NBAS: variants seen among roughly 807,000 people sequenced by gnomAD.
NBAS encodes the protein NAG/BC035112 fusion.
Under a neutral mutation model 302.5 loss-of-function variants are expected in NBAS, and 219 were observed. That is an observed-to-expected ratio of 0.72 (90% confidence interval 0.65 to 0.81). The LOEUF is 0.81. NBAS is among the 30% of genes least tolerant of loss of function. The probability of loss-of-function intolerance (pLI) is 0.00; values close to 1 mark genes in which losing one functional copy is unlikely to be tolerated. For synonymous variants in NBAS, 1,118 were observed against 1,021.6 expected, an observed-to-expected ratio of 1.09 and a Z score of -1.80; for missense variants, 2,932 against 2,841.6, an observed-to-expected ratio of 1.03 and a Z score of -0.72.
At chr2:15,533,353 AT>A (rs1663314154) in intron 9 of NBAS, among the ~76,000 whole-genome samples, 1 of 152,220 alleles carries the variant, frequency 6.6e-6, no homozygotes, top group Admixed American at 6.5e-5. Context: ...ATAACAAAAA[AT>A]TTAGAAACAA....
At chr2:15,307,015 A>G (rs917936904) in intron 40 of NBAS, among the ~76,000 whole-genome samples, 1 of 152,216 alleles carries the variant, frequency 6.6e-6, no homozygotes, top group Non-Finnish European at 1.5e-5. Context: ...GACCAGGCAG[A>G]AATCCTGGGG....
At chr2:14,858,686 A>G in the NBAS span, among the ~76,000 whole-genome samples, 1 of 152,138 alleles carries the variant, frequency 6.6e-6, no homozygotes, top group South Asian at 2.1e-4. Context: ...GGTAGTTGGG[A>G]AGAGGAAGTG....
At chr2:14,837,395 G>A in the NBAS span, among the ~76,000 whole-genome samples, 1 of 151,842 alleles carries the variant, frequency 6.6e-6, no homozygotes, top group Non-Finnish European at 1.5e-5. Flanking sequence ...TTTCTTTTTA[G>A]TAATACCCTT....
intron 43 of NBAS, 108 bp downstream of exon 43, chr2:15,276,743 G>T (rs1669599000): frequency 1.3e-6 from 2 of 1,521,372 alleles, no homozygotes; most frequent in South Asian, 1.2e-5. Flanking sequence ...AAAATTCTGT[G>T]GTTTCAGAGC....
At chr2:15,068,158 G>A in the NBAS span, among the ~76,000 whole-genome samples, 1 of 152,206 alleles carries the variant, frequency 6.6e-6, no homozygotes, top group African/African-American at 2.4e-5. Flanking sequence ...CTTACTGGCT[G>A]TATAGCCTCA....
At chr2:15,335,846 C>T (rs1477806719) in intron 35 of NBAS, among the ~76,000 whole-genome samples, 1 of 152,104 alleles carries the variant, frequency 6.6e-6, no homozygotes, top group African/African-American at 2.4e-5. Flanking sequence ...TCCAATTCGT[C>T]AGTTTTTAAC....
At chr2:14,833,198 A>T in the NBAS span, among the ~76,000 whole-genome samples, 1 of 152,156 alleles carries the variant, frequency 6.6e-6, no homozygotes, top group Non-Finnish European at 1.5e-5. Flanking sequence ...GCTCTCCATC[A>T]AAGTAAATAA....
chr2:15,144,058 T>TATAC, the NBAS span, among the ~76,000 whole-genome samples: 1 of 140,742 alleles, frequency 7.1e-6, no homozygotes, highest in Admixed American at 7.2e-5. Flanking sequence ...AATATATATA[T>TATAC]ATATATATAT....
At chr2:15,300,026 G>A (rs1670723757) in intron 40 of NBAS, among the ~76,000 whole-genome samples, 1 of 152,160 alleles carries the variant, frequency 6.6e-6, no homozygotes, top group African/African-American at 2.4e-5. Flanking sequence ...AAAATTAAAA[G>A]GAAAAATGCA....
the NBAS span, among the ~76,000 whole-genome samples, chr2:15,049,834 G>A: frequency 3.3e-5 from 5 of 152,160 alleles, no homozygotes; most frequent in African/African-American, 4.8e-5. Flanking sequence ...ACAAGCTGGC[G>A]ACAGGGCCGG....
At chr2:15,433,817 C>T (rs1046863650) in intron 21 of NBAS, among the ~76,000 whole-genome samples, 4 of 152,092 alleles carry the variant, frequency 2.6e-5, no homozygotes, top group African/African-American at 9.7e-5. Flanking sequence ...TTTCCCAGGG[C>T]CAGGCCTGGT....
the NBAS span, among the ~76,000 whole-genome samples, chr2:14,827,419 T>G: frequency 6.6e-6 from 1 of 152,168 alleles, no homozygotes; most frequent in Non-Finnish European, 1.5e-5. Flanking sequence ...GAGTCAACAC[T>G]TGGGAGTCCG....
intron 50 of NBAS, among the ~76,000 whole-genome samples, chr2:15,181,421 C>A (rs1572406315): frequency 6.6e-6 from 1 of 152,214 alleles, no homozygotes; most frequent in South Asian, 2.1e-4. Flanking sequence ...TGGCCAAATA[C>A]TTACTCTATC....
At chr2:14,957,621 G>A in the NBAS span, among the ~76,000 whole-genome samples, 1 of 152,104 alleles carries the variant, frequency 6.6e-6, no homozygotes. Context: ...CATTCTCCCT[G>A]ATTCTGCTTC....
intron 48 of NBAS, among the ~76,000 whole-genome samples, chr2:15,202,197 A>G (rs1391186009): frequency 6.6e-6 from 1 of 152,224 alleles, no homozygotes; most frequent in Non-Finnish European, 1.5e-5. Context: ...GTACAGAAAC[A>G]TATCTAAACA....
chr2:14,923,758 T>C, the NBAS span, among the ~76,000 whole-genome samples: 1 of 152,142 alleles, frequency 6.6e-6, no homozygotes, highest in South Asian at 2.1e-4. Context: ...ATTTTTAGGC[T>C]GAGGTACCCC....
At chr2:15,452,542 C>A (rs537385853) in intron 21 of NBAS, among the ~76,000 whole-genome samples, 20 of 150,068 alleles carry the variant, frequency 1.3e-4, no homozygotes, top group Non-Finnish European at 2.7e-4. Flanking sequence ...GAGCCGAGAT[C>A]GCGCCACTGC....
chr2:15,301,695 T>C (rs114879999), intron 40 of NBAS, among the ~76,000 whole-genome samples: 178 of 152,336 alleles, frequency 1.2e-3, no homozygotes, highest in African/African-American at 4.0e-3. Context: ...ATAGAATACA[T>C]GCGCTCTGAC....
intron 25 of NBAS, among the ~76,000 whole-genome samples, chr2:15,414,436 G>A (rs1162933942): frequency 2.6e-5 from 4 of 152,128 alleles, no homozygotes; most frequent in Non-Finnish European, 5.9e-5. Context: ...CTGCCAACTT[G>A]CTTGCATACC....
Sources: gnomAD v4.1 joint callset for allele counts (sites outside exome capture counted in the v4.1 genomes callset) on GRCh38, gnomAD v4.1.1 for gene constraint, MANE v1.5 for transcripts, NCBI Gene and HGNC (gene_info 2026-07-23, HGNC 2026-07-21) for gene names.